Variants in UVRAG observed in about 807,000 individuals in gnomAD.
UVRAG encodes the protein UV radiation resistance-associated gene protein.
A neutral mutation model predicts 78.0 loss-of-function variants in UVRAG; 19 were observed. The observed-to-expected ratio is 0.24, with a 90% CI of 0.17 to 0.36. The LOEUF is 0.36. Among genes scored for constraint, UVRAG ranks in the 10% least tolerant of loss-of-function variants. The probability of loss-of-function intolerance (pLI) is 1.00; values close to 1 mark genes in which losing one functional copy is unlikely to be tolerated. For synonymous variants in UVRAG, 323 were observed against 324.6 expected (o/e 1.00, Z 0.05); for missense variants, 740 against 853.8 (o/e 0.87, Z 1.66).
At chr11:76,140,104 CCTCCCTCCCTCTCTCTCTCTCTCTCT>C (rs1565177341) in intron 14 of UVRAG, among the ~76,000 whole-genome samples, 625 of 18,280 alleles carry the variant, frequency 0.034, 37 homozygotes, top group African/African-American at 0.16. Flanking sequence ...TCCCTCCCTC[CCTCCCTCCCTCTCTCTCTCTCTCTCT>C]CTCTCTCTCT....
intron 9 of UVRAG, among the ~76,000 whole-genome samples, chr11:76,006,466 C>T (rs1052982384): frequency 5.3e-5 from 8 of 151,760 alleles, no homozygotes; most frequent in South Asian, 2.1e-4. Flanking sequence ...TTGAGACCAG[C>T]CTGGGCAACA....
intron 13 of UVRAG, among the ~76,000 whole-genome samples, chr11:76,097,192 C>A (rs1260515179): frequency 6.6e-6 from 1 of 152,128 alleles, no homozygotes; most frequent in East Asian, 1.9e-4. Flanking sequence ...TCTGTCACAC[C>A]TCGTCACTGT....
chr11:75,883,158 G>A (rs1946989405), intron 4 of UVRAG, among the ~76,000 whole-genome samples: 1 of 152,052 alleles, frequency 6.6e-6, no homozygotes, highest in African/African-American at 2.4e-5. Context: ...GGAGGATGGT[G>A]CTTCTTAACG....
chr11:75,857,013 C>T (rs542465416), intron 2 of UVRAG, among the ~76,000 whole-genome samples: 11 of 152,170 alleles, frequency 7.2e-5, no homozygotes, highest in Non-Finnish European at 1.5e-4. Flanking sequence ...AGTCTTTCAG[C>T]GTATACTTTT....
At chr11:76,004,191 C>A in intron 9 of UVRAG, 102 bp downstream of exon 9, 1 of 1,089,180 alleles carries the variant, frequency 9.2e-7, no homozygotes. Flanking sequence ...AATTTATAGC[C>A]CATATACCTC....
intron 1 of UVRAG, among the ~76,000 whole-genome samples, chr11:75,821,181 G>A (rs1945377529): frequency 6.6e-6 from 1 of 152,070 alleles, no homozygotes; most frequent in Admixed American, 6.6e-5. Context: ...TACAGTATTT[G>A]TCCTTTTATG....
chr11:75,888,343 T>C (rs1947139077), intron 4 of UVRAG, among the ~76,000 whole-genome samples: 1 of 151,836 alleles, frequency 6.6e-6, no homozygotes, highest in African/African-American at 2.4e-5. Context: ...GAGGTCTTGC[T>C]ATGTTGCCCA....
intron 9 of UVRAG, among the ~76,000 whole-genome samples, chr11:76,006,832 A>G (rs528076473): frequency 6.6e-6 from 1 of 152,248 alleles, no homozygotes; most frequent in South Asian, 2.1e-4. Flanking sequence ...AATACCATCC[A>G]GATCTTTCTT....
intron 1 of UVRAG, among the ~76,000 whole-genome samples, chr11:75,836,353 C>G (rs1298450351): frequency 6.6e-6 from 1 of 152,170 alleles, no homozygotes; most frequent in Non-Finnish European, 1.5e-5. Flanking sequence ...GATAATAAAA[C>G]TGAGGCCCTA....
chr11:75,978,809 C>T (rs1318176333), intron 7 of UVRAG, among the ~76,000 whole-genome samples: 3 of 152,184 alleles, frequency 2.0e-5, no homozygotes, highest in African/African-American at 4.8e-5. Flanking sequence ...GAGATGGGTT[C>T]GAACATCCTC....
chr11:75,861,026 G>A (rs1175387299), intron 2 of UVRAG, among the ~76,000 whole-genome samples: 1 of 152,132 alleles, frequency 6.6e-6, no homozygotes, highest in Non-Finnish European at 1.5e-5. Context: ...GGCAGGATAA[G>A]CAGAGGGAAT....
At chr11:76,123,195 C>T (rs1027247740) in intron 14 of UVRAG, among the ~76,000 whole-genome samples, 1 of 152,208 alleles carries the variant, frequency 6.6e-6, no homozygotes, top group African/African-American at 2.4e-5. Flanking sequence ...CTACCTTCCT[C>T]AGGGAAACCC....
chr11:76,132,651 G>GT (rs1952532783), intron 14 of UVRAG, among the ~76,000 whole-genome samples: 1 of 151,934 alleles, frequency 6.6e-6, no homozygotes, highest in Admixed American at 6.5e-5. Context: ...CATTTTTCCT[G>GT]TAAGTTTCCA....
At chr11:75,888,634 C>G (rs528541897) in intron 4 of UVRAG, among the ~76,000 whole-genome samples, 195 bp from the exon 5 acceptor site, 1 of 152,050 alleles carries the variant, frequency 6.6e-6, no homozygotes, top group Non-Finnish European at 1.5e-5. Flanking sequence ...TTTGCAAGGC[C>G]TTTGACTAAA....
chr11:76,118,854 G>A (rs541559481), intron 14 of UVRAG, among the ~76,000 whole-genome samples: 16 of 152,232 alleles, frequency 1.1e-4, no homozygotes, highest in African/African-American at 3.6e-4. Context: ...ATAAATTGAG[G>A]ATCTTTACCT....
intron 6 of UVRAG, among the ~76,000 whole-genome samples, chr11:75,940,567 G>A (rs1217794152): frequency 3.3e-5 from 5 of 152,066 alleles, no homozygotes; most frequent in African/African-American, 1.2e-4. Flanking sequence ...ATCCAGTGAT[G>A]GTACCACAAG....
intron 12 of UVRAG, among the ~76,000 whole-genome samples, chr11:76,023,054 C>T (rs985862632): frequency 2.6e-5 from 4 of 152,078 alleles, no homozygotes; most frequent in Admixed American, 2.6e-4. Context: ...ACCTCTCCTC[C>T]TCCCTCCCAT....
intron 1 of UVRAG, among the ~76,000 whole-genome samples, chr11:75,820,816 C>A (rs1208738522): frequency 6.6e-6 from 1 of 151,516 alleles, no homozygotes; most frequent in African/African-American, 2.4e-5. Context: ...AACCCCAGCA[C>A]TTTGGGAGGG....
chr11:76,087,660 T>C (rs1951613323), intron 13 of UVRAG, among the ~76,000 whole-genome samples: 1 of 152,214 alleles, frequency 6.6e-6, no homozygotes, highest in African/African-American at 2.4e-5. Context: ...CAAGATACTT[T>C]ATCAAAGTAT....
Sources: allele counts gnomAD v4.1 joint callset (sites outside exome capture counted in the v4.1 genomes callset), GRCh38; gene constraint gnomAD v4.1.1; transcripts MANE v1.5; gene names NCBI Gene and HGNC (gene_info 2026-07-23, HGNC 2026-07-21).